SPINK4: variants seen among roughly 807,000 people sequenced by gnomAD.
SPINK4 encodes the protein serine peptidase inhibitor Kazal type 4, also known as serine protease inhibitor Kazal-type 4.
Under a neutral mutation model 12.3 loss-of-function variants are expected in SPINK4, and 10 were observed. That is an observed-to-expected ratio of 0.81 (90% CI 0.50 to 1.37). The LOEUF is 1.37. Ranked by LOEUF, SPINK4 falls within the 40% of genes most tolerant of loss-of-function variation. The pLI is 0.00. For missense variants in SPINK4, 91 were observed against 109.0 expected (o/e 0.84, Z 0.73); for synonymous variants, 37 against 40.2 (o/e 0.92, Z 0.30).
At chr9:33,248,094 G>T (rs1006774633) in intron 3 of SPINK4, 9 of 297,152 alleles carry the variant, frequency 3.0e-5, no homozygotes, top group Non-Finnish European at 6.4e-6. Context: ...AGTGATGTTT[G>T]TGGACAGTTG....
chr9:33,240,409 G>A (rs1226977023), intron 1 of SPINK4, 140 bp downstream of exon 1: 3 of 709,288 alleles, frequency 4.2e-6, no homozygotes, highest in Non-Finnish European at 6.6e-6. Context: ...ACCCTCCACT[G>A]TGCTGGGGAA....
chr9:33,243,608 G>A (rs1052800258), intron 1 of SPINK4, among the ~76,000 whole-genome samples: 1 of 152,300 alleles, frequency 6.6e-6, no homozygotes. Context: ...GTTATTGCAT[G>A]TATCAGTTGC....
chr9:33,248,188 A>G, intron 3 of SPINK4: 1 of 550,958 alleles, frequency 1.8e-6, no homozygotes, highest in Non-Finnish European at 3.2e-6. Flanking sequence ...TTTGGCAGCC[A>G]TCAGCGTGCG....
intron 1 of SPINK4, 56 bp from the exon 2 acceptor site, chr9:33,245,056 C>A: frequency 6.4e-7 from 1 of 1,568,630 alleles, no homozygotes; most frequent in South Asian, 1.1e-5. Flanking sequence ...TCCTCAGACC[C>A]CTAGACCTGG....
At chr9:33,247,138 AGTCAGC>A (rs761571415) in intron 3 of SPINK4, among the ~76,000 whole-genome samples, 11 of 151,030 alleles carry the variant, frequency 7.3e-5, no homozygotes, top group Non-Finnish European at 1.2e-4. Flanking sequence ...CCAGGCTGAT[AGTCAGC>A]CAATTGCAGC....
chr9:33,245,824 G>A (rs1016611326), intron 2 of SPINK4, among the ~76,000 whole-genome samples: 8 of 152,188 alleles, frequency 5.3e-5, no homozygotes, highest in Non-Finnish European at 1.2e-4. Flanking sequence ...ATTTCAATTA[G>A]CCCTATGTGA....
chr9:33,246,537 C>G, intron 2 of SPINK4, 79 bp from the exon 3 acceptor site: 1 of 1,307,910 alleles, frequency 7.6e-7, no homozygotes. Context: ...TGGGGCCCCA[C>G]TGGTTCCGAG....
intron 3 of SPINK4, among the ~76,000 whole-genome samples, chr9:33,247,502 A>T (rs1820298603): frequency 1.3e-5 from 2 of 152,154 alleles, no homozygotes; most frequent in Admixed American, 1.3e-4. Context: ...AGTGGGGCAC[A>T]CAGGAATAAG....
intron 3 of SPINK4, 114 bp from the exon 4 acceptor site, chr9:33,248,312 A>G: frequency 1.9e-6 from 2 of 1,040,836 alleles, no homozygotes; most frequent in Non-Finnish European, 2.9e-6. Context: ...GTATCCATAC[A>G]CTGCATATGT....
chr9:33,244,687 G>A (rs886583461), intron 1 of SPINK4, among the ~76,000 whole-genome samples: 2 of 152,182 alleles, frequency 1.3e-5, no homozygotes, highest in Non-Finnish European at 2.9e-5. Context: ...AGACTTGCGC[G>A]AGGGCTCTTG....
At chr9:33,248,271 G>A in intron 3 of SPINK4, 155 bp from the exon 4 acceptor site, 1 of 667,772 alleles carries the variant, frequency 1.5e-6, no homozygotes. Flanking sequence ...GCTGTAGAAG[G>A]ATGTGCCCAT....
intron 3 of SPINK4, among the ~76,000 whole-genome samples, chr9:33,247,545 G>A (rs1037148776): frequency 5.3e-5 from 8 of 152,276 alleles, no homozygotes; most frequent in South Asian, 2.1e-4. Context: ...AGCAAGGGAA[G>A]ATAATTCCAA....
intron 1 of SPINK4, 120 bp downstream of exon 1, chr9:33,240,389 C>A: frequency 6.0e-6 from 5 of 826,514 alleles, no homozygotes; most frequent in Non-Finnish European, 9.2e-6. Context: ...TACCTTCATT[C>A]TGCATATGCA....
intron 2 of SPINK4, 33 bp downstream of exon 2, chr9:33,245,185 T>C: frequency 1.2e-6 from 2 of 1,608,612 alleles, no homozygotes; most frequent in African/African-American, 2.7e-5. Flanking sequence ...TCACCTTCTC[T>C]CTGCTGAGAG....
intron 1 of SPINK4, among the ~76,000 whole-genome samples, chr9:33,244,542 G>A (rs1372683643): frequency 1.3e-5 from 2 of 152,154 alleles, no homozygotes; most frequent in Non-Finnish European, 2.9e-5. Context: ...ACATCAACCC[G>A]ACATGGGATA....
chr9:33,241,957 G>T (rs552116529), intron 1 of SPINK4, among the ~76,000 whole-genome samples: 1 of 152,034 alleles, frequency 6.6e-6, no homozygotes, highest in South Asian at 2.1e-4. Flanking sequence ...TTGGCTCACT[G>T]CAACCTCTGC....
intron 1 of SPINK4, among the ~76,000 whole-genome samples, chr9:33,241,011 G>A (rs930921494): frequency 2.0e-5 from 3 of 152,226 alleles, no homozygotes; most frequent in African/African-American, 7.2e-5. Flanking sequence ...TTGGCAGGGT[G>A]ATGGGCACTG....
intron 3 of SPINK4, 58 bp downstream of exon 3, chr9:33,246,786 C>A: frequency 6.7e-7 from 1 of 1,486,392 alleles, no homozygotes; most frequent in Non-Finnish European, 9.4e-7. Context: ...GGTGCACAGT[C>A]TGAAAGGAGC....
At chr9:33,244,899 T>C (rs531574213) in intron 1 of SPINK4, among the ~76,000 whole-genome samples, 3 of 152,276 alleles carry the variant, frequency 2.0e-5, no homozygotes, top group East Asian at 3.9e-4. Context: ...ACTGTCACCT[T>C]CCTAATTTTT....
Sources: gnomAD v4.1 joint callset for allele counts (sites outside exome capture counted in the v4.1 genomes callset) on GRCh38, gnomAD v4.1.1 for gene constraint, MANE v1.5 for transcripts, NCBI Gene and HGNC (gene_info 2026-07-23, HGNC 2026-07-21) for gene names.